Variants in TTC12 observed in about 807,000 individuals in gnomAD.
The protein encoded by TTC12 is tetratricopeptide repeat protein 12.
Under a neutral mutation model 90.1 loss-of-function variants are expected in TTC12, and 70 were observed. The observed-to-expected ratio is 0.78, with a 90% CI of 0.64 to 0.95. The LOEUF (loss-of-function observed/expected upper bound fraction) is 0.95, where lower values mean the gene tolerates loss of function less well. Ranked by LOEUF, TTC12 falls within the 40% of genes least tolerant of loss-of-function variation. TTC12 has a pLI of 0.00. For synonymous variants in TTC12, 296 were observed against 311.5 expected, an observed-to-expected ratio of 0.95 and a Z score of 0.53; for missense variants, 819 against 846.1, an observed-to-expected ratio of 0.97 and a Z score of 0.40.
At chr11:113,319,377 G>T (rs1379695217) in intron 2 of TTC12, among the ~76,000 whole-genome samples, 2 of 151,976 alleles carry the variant, frequency 1.3e-5, no homozygotes, top group Non-Finnish European at 2.9e-5. Flanking sequence ...GTTCTGGATG[G>T]GATCCTGGAA....
chr11:113,371,968 G>T (rs1461228339), intron 21 of TTC12, among the ~76,000 whole-genome samples: 2 of 152,176 alleles, frequency 1.3e-5, no homozygotes, highest in Admixed American at 1.3e-4. Context: ...TGTTGGTTGA[G>T]CATACTTCCA....
At chr11:113,342,558 G>A (rs1239353388) in intron 12 of TTC12, among the ~76,000 whole-genome samples, 1 of 152,226 alleles carries the variant, frequency 6.6e-6, no homozygotes, top group Non-Finnish European at 1.5e-5. Flanking sequence ...TGAAAATGGG[G>A]ATAATGATAG....
At chr11:113,359,550 C>A in intron 17 of TTC12, 89 bp downstream of exon 17, 1 of 893,784 alleles carries the variant, frequency 1.1e-6, no homozygotes. Context: ...CACGAAGAGA[C>A]AGAAGCATGT....
intron 9 of TTC12, 34 bp from the exon 10 acceptor site, chr11:113,339,252 G>C (rs1948549187): frequency 1.3e-6 from 2 of 1,558,758 alleles, no homozygotes; most frequent in Non-Finnish European, 1.7e-6. Flanking sequence ...TGATTGTTAG[G>C]GTTTTGTTTT....
chr11:113,330,191 CTAT>C (rs1295578985), intron 7 of TTC12, among the ~76,000 whole-genome samples: 1 of 152,222 alleles, frequency 6.6e-6, no homozygotes, highest in Non-Finnish European at 1.5e-5. Flanking sequence ...GGAGCTGCTG[CTAT>C]TGAAGTTTCA....
At chr11:113,350,932 G>T (rs1307480725) in intron 14 of TTC12, among the ~76,000 whole-genome samples, 1 of 152,232 alleles carries the variant, frequency 6.6e-6, no homozygotes, top group African/African-American at 2.4e-5. Context: ...ACACGCTGTA[G>T]ACTCAGAGCA....
intron 11 of TTC12, 92 bp downstream of exon 11, chr11:113,340,825 T>G (rs1381307875): frequency 9.4e-7 from 1 of 1,067,496 alleles, no homozygotes; most frequent in East Asian, 2.4e-5. Flanking sequence ...GACAGTCACG[T>G]TTCTGAACAT....
At chr11:113,363,971 A>C in intron 20 of TTC12, 44 bp downstream of exon 20, 1 of 1,390,488 alleles carries the variant, frequency 7.2e-7, no homozygotes, top group South Asian at 1.2e-5. Flanking sequence ...CCAGAGGTTC[A>C]TCCACCCTTG....
chr11:113,340,719 C>A lies in TTC12; in HGVS notation c.882C>A (p.Asn294Lys). Residue 294 changes from asparagine to lysine, a missense_variant, in exon 11 of 22, where the codon AAC becomes AAA. Coordinates refer to ENST00000529221, the MANE Select transcript of TTC12 (RefSeq NM_017868.4). ...ATGGATTTAGTATCATCAGTGACAACGAGGTCATAAGAAGGTAGGGATGTT... is the reference window on the plus strand; with the variant it reads ...ATGGATTTAGTATCATCAGTGACAAAGAGGTCATAAGAAGGTAGGGATGTT... ...MHNGFSIISD[N>K]EVIRRCFSTA... is the part of the protein sequence containing the mutation. The A allele has an allele frequency of 6.2e-7, 1 of 1,613,730 alleles. No homozygotes were observed. The highest frequency in any genetic ancestry group is 8.5e-7 in the Non-Finnish European group (1 of 1,179,672).
At chr11:113,363,681 C>G in intron 19 of TTC12, 147 bp from the exon 20 acceptor site, 1 of 610,388 alleles carries the variant, frequency 1.6e-6, no homozygotes, top group Non-Finnish European at 2.9e-6. Context: ...CCATGCCTGC[C>G]CACCAGGAAG....
At chr11:113,351,921 T>C (rs373384025) in intron 15 of TTC12, 149 bp from the exon 16 acceptor site, 1 of 889,356 alleles carries the variant, frequency 1.1e-6, no homozygotes, top group Non-Finnish European at 1.7e-6. Flanking sequence ...CTCCATCCGT[T>C]GCCAGTGAGA....
chr11:113,348,626 A>G (rs1949100078), intron 13 of TTC12, among the ~76,000 whole-genome samples: 2 of 152,222 alleles, frequency 1.3e-5, no homozygotes, highest in African/African-American at 4.8e-5. Context: ...ACACACTGAA[A>G]TGACTATTCC....
chr11:113,334,908 A>T lies in TTC12; in HGVS notation c.505-58A>T, dbSNP rs1948273315. 5.2e-6 allele frequency: 7 copies of T among 1,342,778 alleles called. No homozygotes were observed. The East Asian group carries it at 1.6e-4, about 31-fold the overall frequency. The allele number at this position is 1,342,778 out of a possible 1,614,324, so 83.2% of individuals were successfully genotyped here. ...ACTCTTTTAGCTGTATAGTGAGGGG[A>T]GTGGCTAATGACTTCACATCTTCTA... On this transcript the variant is annotated intron_variant, in intron 7 of 21. Coordinates refer to ENST00000529221, the MANE Select transcript of TTC12 (RefSeq NM_017868.4).
intron 16 of TTC12, among the ~76,000 whole-genome samples, chr11:113,353,964 C>T (rs1436848497): frequency 2.0e-5 from 3 of 151,964 alleles, no homozygotes; most frequent in South Asian, 2.1e-4. Context: ...TGGTTCCATA[C>T]GAATTTTAAA....
rs201634730 is a variant in TTC12, at chr11:113,351,302, G to A, written c.1308+3G>A. On this transcript the variant is annotated splice_donor_region_variant and intron_variant, in intron 15 of 21. Transcript: ENST00000529221. Reference sequence around the variant, plus strand: ...TCCCTGCACTCACAGGCGTTCTGGTGAGCAAACTGTCATTTTCATCCTCTG... The same window carrying A: ...TCCCTGCACTCACAGGCGTTCTGGTAAGCAAACTGTCATTTTCATCCTCTG... 4.6e-5 allele frequency: 74 copies of A among 1,613,716 alleles called. No homozygotes were observed. In the African/African-American group the frequency reaches 8.7e-4, roughly 19 times the overall value.
In TTC12 at chr11:113,340,266, G is replaced by A. The variant is rs534698317; in HGVS notation, c.827-398G>A. Among the ~76,000 whole-genome samples, 15 of 152,328 alleles carry A rather than the reference G, an allele frequency of 9.8e-5. No individual in the cohort carries two copies. The South Asian group carries it at 2.9e-3, about 29-fold the overall frequency. On this transcript the variant is annotated intron_variant, in intron 10 of 21. Coordinates refer to ENST00000529221, the MANE Select transcript of TTC12 (RefSeq NM_017868.4). ...AAATATCCCCTTCAGCAGTTTCTTGGAGATTATAAATTCCTCTCTGGAGCT... is the reference window on the plus strand; with the variant it reads ...AAATATCCCCTTCAGCAGTTTCTTGAAGATTATAAATTCCTCTCTGGAGCT...
intron 6 of TTC12, among the ~76,000 whole-genome samples, chr11:113,327,585 A>G (rs1947768934): frequency 6.6e-6 from 1 of 152,212 alleles, no homozygotes. Flanking sequence ...AAATGTGCAA[A>G]AGCAAAAGAG....
rs144748390 is a variant in TTC12, at chr11:113,320,631, G to A, written c.59-2657G>A. On this transcript the variant is annotated intron_variant, in intron 2 of 21. Coordinates refer to ENST00000529221, the MANE Select transcript of TTC12 (RefSeq NM_017868.4). ...TTCCGGGGATGCTGGGCAAGAGCTC[G>A]GGATACAAAAAGCTGTCACTTCCCT... Among the ~76,000 whole-genome samples, 27 of 152,302 alleles carry A rather than the reference G, an allele frequency of 1.8e-4. No individual in the cohort carries two copies. In the East Asian group the frequency reaches 2.9e-3, roughly 16 times the overall value.
chr11:113,357,737 C>T (rs890881782), intron 16 of TTC12, among the ~76,000 whole-genome samples: 19 of 152,320 alleles, frequency 1.2e-4, no homozygotes, highest in Admixed American at 1.2e-3. Context: ...GATGCTCTAA[C>T]TCTGAGGGAC....
Sources: gnomAD v4.1 joint callset for allele counts (sites outside exome capture counted in the v4.1 genomes callset) on GRCh38, gnomAD v4.1.1 for gene constraint, MANE v1.5 for transcripts, NCBI Gene and HGNC (gene_info 2026-07-23, HGNC 2026-07-21) for gene names.